VPS13B: variants seen among roughly 807,000 people sequenced by gnomAD.
The protein encoded by VPS13B is vacuolar protein sorting 13 homolog B.
Under a neutral mutation model 426.4 loss-of-function variants are expected in VPS13B, and 285 were observed. That is an observed-to-expected ratio of 0.67 (90% CI 0.61 to 0.74). The LOEUF is 0.74. Ranked by LOEUF, VPS13B falls within the 30% of genes least tolerant of loss-of-function variation. The probability of loss-of-function intolerance (pLI) is 0.00; values close to 1 mark genes in which losing one functional copy is unlikely to be tolerated. For synonymous variants in VPS13B, 1,676 were observed against 1,676.4 expected (o/e 1.00, Z 0.01); for missense variants, 4,537 against 4,782.6 (o/e 0.95, Z 1.51).
At chr8:99,552,787 A>G (rs750595842) in intron 30 of VPS13B, among the ~76,000 whole-genome samples, 14 of 152,108 alleles carry the variant, frequency 9.2e-5, no homozygotes, top group Non-Finnish European at 1.9e-4. Flanking sequence ...TTGTATAACT[A>G]TAGTACAATA....
intron 35 of VPS13B, among the ~76,000 whole-genome samples, chr8:99,690,102 G>A (rs1002079015): frequency 6.6e-6 from 1 of 152,126 alleles, no homozygotes; most frequent in South Asian, 2.1e-4. Flanking sequence ...ATACAGGGAT[G>A]CAGAGGCAAA....
At chr8:99,651,516 C>T (rs12545238) in intron 34 of VPS13B, among the ~76,000 whole-genome samples, 20,869 of 152,058 alleles carry the variant, frequency 0.14, 1,988 homozygotes, top group East Asian at 0.39. Flanking sequence ...ATAGGCTTTT[C>T]CATGCCCTTC....
At chr8:99,536,045 G>C (rs1347464663) in intron 30 of VPS13B, among the ~76,000 whole-genome samples, 1 of 151,694 alleles carries the variant, frequency 6.6e-6, no homozygotes, top group Non-Finnish European at 1.5e-5. Flanking sequence ...TGCCTCCCAG[G>C]TTCAAGCAAT....
At chr8:99,618,022 C>G (rs1828176332) in intron 33 of VPS13B, among the ~76,000 whole-genome samples, 1 of 151,970 alleles carries the variant, frequency 6.6e-6, no homozygotes, top group African/African-American at 2.4e-5. Flanking sequence ...GCAGTACTTT[C>G]CTTTCTATTG....
At chr8:99,061,017 TTTGACACTATAATTTA>T (rs1262114742) in intron 3 of VPS13B, among the ~76,000 whole-genome samples, 2 of 152,192 alleles carry the variant, frequency 1.3e-5, no homozygotes, top group African/African-American at 4.8e-5. Flanking sequence ...GTTCAGTGCT[TTTGACACTATAATTTA>T]TGTCTAAATG....
chr8:99,789,049 G>T lies in VPS13B; in HGVS notation c.7941+4573G>T, dbSNP rs371410905. 4.9e-4 allele frequency among the ~76,000 whole-genome samples: 74 copies of T among 152,154 alleles called. No individual in the cohort carries two copies. The South Asian group carries it at 0.015, about 31-fold the overall frequency. ...AAAATATTTTTATTATACTCATTCTGGTCCTAATCAGTACATAACAGAAAG... is the reference window on the plus strand; with the variant it reads ...AAAATATTTTTATTATACTCATTCTTGTCCTAATCAGTACATAACAGAAAG... On this transcript the variant is annotated intron_variant, in intron 43 of 61. Coordinates refer to ENST00000357162, the MANE Select transcript of VPS13B (RefSeq NM_152564.5).
At chr8:99,295,714 A>G (rs1021838764) in intron 19 of VPS13B, among the ~76,000 whole-genome samples, 2 of 152,156 alleles carry the variant, frequency 1.3e-5, no homozygotes, top group Non-Finnish European at 2.9e-5. Flanking sequence ...TCGCTAGTCC[A>G]GGAAAAGATC....
intron 19 of VPS13B, among the ~76,000 whole-genome samples, chr8:99,303,075 T>C (rs902506442): frequency 6.6e-6 from 1 of 151,448 alleles, no homozygotes; most frequent in Non-Finnish European, 1.5e-5. Context: ...GGTCAGGAGA[T>C]TGAAACCATC....
intron 3 of VPS13B, among the ~76,000 whole-genome samples, chr8:99,077,320 G>A (rs1380247462): frequency 1.3e-5 from 2 of 151,960 alleles, no homozygotes; most frequent in African/African-American, 4.8e-5. Flanking sequence ...TTACAGGAAC[G>A]TGCCACCACA....
chr8:99,674,826 C>CA (rs1487493642), intron 35 of VPS13B, among the ~76,000 whole-genome samples: 12 of 151,934 alleles, frequency 7.9e-5, no homozygotes, highest in African/African-American at 1.4e-4. Context: ...ATCATGTACA[C>CA]AAAAAACCTC....
At chr8:99,352,549 C>A (rs1306733951) in intron 19 of VPS13B, among the ~76,000 whole-genome samples, 2 of 152,070 alleles carry the variant, frequency 1.3e-5, no homozygotes, top group South Asian at 2.1e-4. Context: ...AAAGAAAATA[C>A]CTGGCTGGGC....
intron 19 of VPS13B, among the ~76,000 whole-genome samples, chr8:99,289,689 G>A (rs1412071838): frequency 1.3e-5 from 2 of 152,092 alleles, no homozygotes; most frequent in South Asian, 2.1e-4. Context: ...AGGCCAAAAT[G>A]TATCACCTCT....
At chr8:99,683,373 A>G (rs1489577384) in intron 35 of VPS13B, among the ~76,000 whole-genome samples, 3 of 149,858 alleles carry the variant, frequency 2.0e-5, no homozygotes, top group East Asian at 4.1e-4. Flanking sequence ...CAGCTTTTCT[A>G]TATTTAAAAT....
At chr8:99,372,512 C>T (rs1813248978) in intron 19 of VPS13B, among the ~76,000 whole-genome samples, 1 of 152,138 alleles carries the variant, frequency 6.6e-6, no homozygotes, top group African/African-American at 2.4e-5. Context: ...GGGATATGAA[C>T]AGACACTTCT....
chr8:99,810,795 G>C (rs1813659194), intron 44 of VPS13B, among the ~76,000 whole-genome samples: 2 of 152,214 alleles, frequency 1.3e-5, no homozygotes, highest in African/African-American at 4.8e-5. Context: ...TCACTGAGAA[G>C]ATATGACTTG....
intron 33 of VPS13B, among the ~76,000 whole-genome samples, chr8:99,633,806 G>GGTGTGTGTGTGTGTGT (rs139474452): frequency 0.013 from 1,835 of 143,916 alleles, 30 homozygotes; most frequent in East Asian, 0.037. Flanking sequence ...GAATGTGTCA[G>GGTGTGTGTGTGTGTGT]GTGTGTGTGT....
chr8:99,806,140 C>A (rs973648851), intron 43 of VPS13B, among the ~76,000 whole-genome samples: 1 of 152,212 alleles, frequency 6.6e-6, no homozygotes, highest in African/African-American at 2.4e-5. Context: ...GGGAAGATAT[C>A]AGTGACTATC....
intron 33 of VPS13B, among the ~76,000 whole-genome samples, chr8:99,604,126 C>G (rs911608399): frequency 9.2e-5 from 14 of 152,144 alleles, no homozygotes; most frequent in African/African-American, 3.1e-4. Context: ...GATTCAGTTA[C>G]TAATAAATCG....
chr8:99,639,525 T>G (rs1235914269), intron 33 of VPS13B, among the ~76,000 whole-genome samples: 1 of 151,976 alleles, frequency 6.6e-6, no homozygotes, highest in African/African-American at 2.4e-5. Context: ...ACAATGTGAC[T>G]TTCTCAACAA....
Sources: gnomAD v4.1 joint callset for allele counts (sites outside exome capture counted in the v4.1 genomes callset) on GRCh38, gnomAD v4.1.1 for gene constraint, MANE v1.5 for transcripts, NCBI Gene and HGNC (gene_info 2026-07-23, HGNC 2026-07-21) for gene names.